The following ITSN1 variants were observed in gnomAD, a reference collection of about 807,000 sequenced individuals.
ITSN1 encodes the protein intersectin 1, also known as intersectin-1.
Under a neutral mutation model 239.8 loss-of-function variants are expected in ITSN1, and 58 were observed. The observed-to-expected ratio is 0.24, with a 90% confidence interval of 0.20 to 0.30. The LOEUF (loss-of-function observed/expected upper bound fraction) is 0.30. ITSN1 is among the 10% of genes least tolerant of loss of function. The pLI is 1.00. For synonymous variants in ITSN1, 780 were observed against 770.8 expected (o/e 1.01, Z -0.20); for missense variants, 1,558 against 2,103.3 (o/e 0.74, Z 5.07).
At chr21:33,706,387 T>C (rs2092249016) in intron 1 of ITSN1, among the ~76,000 whole-genome samples, 2 of 152,154 alleles carry the variant, frequency 1.3e-5, no homozygotes, top group South Asian at 4.1e-4. Flanking sequence ...ATATGAAATT[T>C]AAAATGAGAG....
intron 8 of ITSN1, among the ~76,000 whole-genome samples, chr21:33,757,940 G>A (rs1428563741): frequency 5.3e-5 from 8 of 151,826 alleles, no homozygotes; most frequent in East Asian, 1.9e-4. Flanking sequence ...GCTGTGGTGC[G>A]ATAGTAGCTC....
At chr21:33,763,421 C>T (rs954640188) in intron 9 of ITSN1, among the ~76,000 whole-genome samples, 3 of 151,906 alleles carry the variant, frequency 2.0e-5, no homozygotes, top group South Asian at 4.1e-4. Flanking sequence ...ATTTTGGGCC[C>T]GATAAATCTT....
At chr21:33,696,097 G>A (rs1244138808) in intron 1 of ITSN1, among the ~76,000 whole-genome samples, 1 of 152,134 alleles carries the variant, frequency 6.6e-6, no homozygotes, top group African/African-American at 2.4e-5. Flanking sequence ...TTAGCAGAGC[G>A]CAGTTGGTTT....
At chr21:33,813,747 T>C (rs2073075335) in intron 21 of ITSN1, among the ~76,000 whole-genome samples, 166 bp from the exon 22 acceptor site, 3 of 149,702 alleles carry the variant, frequency 2.0e-5, no homozygotes, top group Non-Finnish European at 4.4e-5. Context: ...TTTTTCTTTT[T>C]TTCCTCTTTT....
rs929380034 is a variant in ITSN1, at chr21:33,789,044, C to T, written c.1825-5297C>T. On this transcript the variant is annotated intron_variant, in intron 16 of 39. Transcript: ENST00000381318. ...GGGTATAGTTTCTGTGTTCTGAAAT[C>T]GTTATTTTTCAAAATTTTCCATACA... is the stretch of plus-strand genomic sequence containing the variant. Among the ~76,000 whole-genome samples the T allele has an allele frequency of 3.3e-5, 5 of 152,120 alleles. No homozygotes were observed. The South Asian group carries it at 6.2e-4, about 19-fold the overall frequency.
At chr21:33,790,546 A>G (rs988841003) in intron 16 of ITSN1, among the ~76,000 whole-genome samples, 2 of 152,214 alleles carry the variant, frequency 1.3e-5, no homozygotes, top group African/African-American at 4.8e-5. Context: ...TGCTAGATTA[A>G]TATCCATCCA....
At chr21:33,673,347 G>A (rs185006122) in intron 1 of ITSN1, among the ~76,000 whole-genome samples, 1 of 152,110 alleles carries the variant, frequency 6.6e-6, no homozygotes, top group Non-Finnish European at 1.5e-5. Context: ...GGCTAATATT[G>A]TATTGGAAAA....
At chr21:33,722,713 T>G in intron 4 of ITSN1, 62 bp downstream of exon 4, 2 of 1,449,910 alleles carry the variant, frequency 1.4e-6, no homozygotes, top group Non-Finnish European at 1.9e-6. Flanking sequence ...TATCGTTTTG[T>G]TCTATTTGGT....
intron 5 of ITSN1, among the ~76,000 whole-genome samples, chr21:33,739,310 A>G (rs940732753): frequency 2.0e-5 from 3 of 152,194 alleles, no homozygotes; most frequent in East Asian, 1.9e-4. Flanking sequence ...TGCACTCAGC[A>G]TAATTCTTTT....
chr21:33,769,894 C>G (rs1267015484), intron 11 of ITSN1, among the ~76,000 whole-genome samples: 4 of 151,260 alleles, frequency 2.6e-5, no homozygotes, highest in African/African-American at 7.3e-5. Context: ...GGAGGTTTCA[C>G]CATGTTGGTC....
rs10529259 is a variant in ITSN1, at chr21:33,877,059, C to CTTTTTTTTTTTTTTTTTTTTTTTTTT, written c.4341+1550_4341+1551insTTTTTTTTTTTTTTTTTTTTTTTTTT. 1.7e-4 allele frequency among the ~76,000 whole-genome samples: 18 copies of CTTTTTTTTTTTTTTTTTTTTTTTTTT among 106,400 alleles called. 4 individuals carry two copies. The highest frequency in any genetic ancestry group is 3.1e-4 in the African/African-American group (8 of 25,870). 69.8% of individuals were successfully genotyped at this position (106,400 alleles called of 152,430 possible). On this transcript the variant is annotated intron_variant, in intron 34 of 39. Transcript: ENST00000381318. ...TCCTTAGAACTTTACCTGTGGGCAC[C>CTTTTTTTTTTTTTTTTTTTTTTTTTT]TTTTTTTTTTTTGAAATGGAGTCTC...
At chr21:33,697,463 A>G (rs1343869726) in intron 1 of ITSN1, among the ~76,000 whole-genome samples, 1 of 151,976 alleles carries the variant, frequency 6.6e-6, no homozygotes, top group Non-Finnish European at 1.5e-5. Context: ...CTAGGCCATT[A>G]CATTTTTTTT....
intron 5 of ITSN1, among the ~76,000 whole-genome samples, chr21:33,746,644 C>T (rs2067201079): frequency 6.6e-6 from 1 of 152,034 alleles, no homozygotes; most frequent in Non-Finnish European, 1.5e-5. Flanking sequence ...AGTTCGAGAC[C>T]CACCTGGCCA....
intron 24 of ITSN1, among the ~76,000 whole-genome samples, chr21:33,823,012 T>C (rs1332596166): frequency 6.6e-6 from 1 of 152,262 alleles, no homozygotes; most frequent in Non-Finnish European, 1.5e-5. Context: ...TCTAACAATT[T>C]TTTAAAAACC....
chr21:33,724,743 A>C (rs372883227), intron 4 of ITSN1, among the ~76,000 whole-genome samples: 1 of 152,234 alleles, frequency 6.6e-6, no homozygotes, highest in Non-Finnish European at 1.5e-5. Context: ...GGAGGGAGAC[A>C]ATAACAACAC....
chr21:33,776,864 T>A (rs2069673242), intron 14 of ITSN1, among the ~76,000 whole-genome samples: 2 of 152,094 alleles, frequency 1.3e-5, no homozygotes, highest in African/African-American at 2.4e-5. Context: ...CTGGCTTGGG[T>A]TTAATTTTTG....
intron 27 of ITSN1, among the ~76,000 whole-genome samples, chr21:33,833,349 T>C (rs12483144): frequency 0.14 from 20,968 of 152,078 alleles, 1,881 homozygotes; most frequent in East Asian, 0.29. Flanking sequence ...AAAGTAACAT[T>C]GAGTCTCCTT....
At chr21:33,691,473 C>G (rs1350598432) in intron 1 of ITSN1, among the ~76,000 whole-genome samples, 3 of 152,034 alleles carry the variant, frequency 2.0e-5, no homozygotes, top group Non-Finnish European at 4.4e-5. Context: ...ATTGCAATGG[C>G]GGGGAGAGAT....
At chr21:33,715,946 A>C (rs1316901243) in intron 1 of ITSN1, among the ~76,000 whole-genome samples, 5 of 152,150 alleles carry the variant, frequency 3.3e-5, no homozygotes, top group Non-Finnish European at 5.9e-5. Flanking sequence ...AAAATACATA[A>C]ATAAGTGAAA....
Sources: gnomAD v4.1 joint callset for allele counts (sites outside exome capture counted in the v4.1 genomes callset) on GRCh38, gnomAD v4.1.1 for gene constraint, MANE v1.5 for transcripts, NCBI Gene and HGNC (gene_info 2026-07-23, HGNC 2026-07-21) for gene names.